The following HMGCLL1 variants were observed in gnomAD, a reference collection of about 807,000 sequenced individuals.
The protein encoded by HMGCLL1 is 3-hydroxymethyl-3-methylglutaryl-CoA lyase, cytoplasmic.
HMGCLL1 carries 36 observed loss-of-function variants against 39.1 expected under a neutral mutation model. The observed-to-expected ratio is 0.92, with a 90% CI of 0.71 to 1.22. The LOEUF is 1.22. HMGCLL1 is among the 50% of genes most tolerant of loss of function. The pLI is 0.00. For synonymous variants in HMGCLL1, 149 were observed against 144.0 expected, an observed-to-expected ratio of 1.03 and a Z score of -0.25; for missense variants, 451 against 416.5, an observed-to-expected ratio of 1.08 and a Z score of -0.72.
intron 3 of HMGCLL1, among the ~76,000 whole-genome samples, chr6:55,533,270 A>G (rs935709057): frequency 8.6e-5 from 13 of 151,854 alleles, no homozygotes; most frequent in Non-Finnish European, 1.0e-4. Flanking sequence ...TTATTGTATT[A>G]TTTTAGTATC....
At chr6:55,474,383 T>G (rs1389344006) in intron 7 of HMGCLL1, among the ~76,000 whole-genome samples, 1 of 151,658 alleles carries the variant, frequency 6.6e-6, no homozygotes, top group Non-Finnish European at 1.5e-5. Flanking sequence ...GCTCACTGAT[T>G]CTCTCCTTAG....
chr6:55,649,873 T>C, the HMGCLL1 span, among the ~76,000 whole-genome samples: 1 of 151,346 alleles, frequency 6.6e-6, no homozygotes, highest in Non-Finnish European at 1.5e-5. Context: ...TCTTCAGAGA[T>C]ACTGATGAAT....
rs145163670 is a variant in HMGCLL1, at chr6:55,441,497, T to C, written c.796-1938A>G. ...AGAACACATGTTGGCAAGTTTTTAT[T>C]AAAATCCATGCAATATTTAGATTTC... On this transcript the variant is annotated intron_variant, in intron 7 of 8. Coordinates refer to ENST00000274901, the MANE Select transcript of HMGCLL1 (RefSeq NM_001042406.2). 3.1e-3 allele frequency among the ~76,000 whole-genome samples: 476 copies of C among 152,246 alleles called. 2 individuals are homozygous for C. The highest frequency in any genetic ancestry group is 0.011 in the African/African-American group (455 of 41,538).
At chr6:55,541,017 A>G (rs1769403886) in intron 3 of HMGCLL1, among the ~76,000 whole-genome samples, 1 of 148,756 alleles carries the variant, frequency 6.7e-6, no homozygotes, top group Admixed American at 6.8e-5. Flanking sequence ...AAATGATATC[A>G]GGAGTAGTCA....
chr6:55,439,350 A>C (rs1763497208), intron 8 of HMGCLL1, 84 bp downstream of exon 8: 1 of 1,379,490 alleles, frequency 7.2e-7, no homozygotes, highest in East Asian at 2.4e-5. Context: ...CTTTGACCTC[A>C]AAATTGCTTC....
At chr6:55,565,269 G>A (rs1771159373) in intron 1 of HMGCLL1, among the ~76,000 whole-genome samples, 2 of 151,972 alleles carry the variant, frequency 1.3e-5, no homozygotes, top group South Asian at 4.1e-4. Flanking sequence ...TATATTGAAA[G>A]TGAGAATAAC....
chr6:55,557,908 C>T (rs566057001), intron 1 of HMGCLL1, among the ~76,000 whole-genome samples: 2 of 152,242 alleles, frequency 1.3e-5, no homozygotes, highest in African/African-American at 4.8e-5. Flanking sequence ...AACCTTCTAT[C>T]CTCAAGCTGA....
At chr6:55,515,987 T>C (rs1032255001) in intron 4 of HMGCLL1, among the ~76,000 whole-genome samples, 7 of 152,010 alleles carry the variant, frequency 4.6e-5, no homozygotes, top group African/African-American at 1.7e-4. Flanking sequence ...TAAAGCTTTA[T>C]TTAAATTATA....
At chr6:55,474,075 T>C (rs571465889) in intron 7 of HMGCLL1, among the ~76,000 whole-genome samples, 1 of 151,720 alleles carries the variant, frequency 6.6e-6, no homozygotes, top group Non-Finnish European at 1.5e-5. Flanking sequence ...GAATATGATA[T>C]GCCTAGCTAT....
chr6:55,440,461 C>T (rs570912717), intron 7 of HMGCLL1, among the ~76,000 whole-genome samples: 1 of 152,158 alleles, frequency 6.6e-6, no homozygotes, highest in Admixed American at 6.6e-5. Flanking sequence ...GAAGAGCTCT[C>T]TGTGTACCGG....
chr6:55,592,206 A>T, the HMGCLL1 span, among the ~76,000 whole-genome samples: 1 of 151,998 alleles, frequency 6.6e-6, no homozygotes, highest in African/African-American at 2.4e-5. Flanking sequence ...TATTAGGAAG[A>T]CATTCCTCTA....
chr6:55,498,277 G>A (rs1766692821), intron 6 of HMGCLL1, among the ~76,000 whole-genome samples: 2 of 152,124 alleles, frequency 1.3e-5, no homozygotes, highest in Non-Finnish European at 2.9e-5. Flanking sequence ...GCAAATTAAT[G>A]ACAGCCTTGG....
Position 55,435,772 on chromosome 6 carries a change from G to A in HMGCLL1, c.922-9C>T, listed in dbSNP as rs754211605. The A allele has an allele frequency of 6.2e-6, 9 of 1,454,672 alleles. No homozygotes were observed. Among genetic ancestry groups the A allele is most frequent in the African/African-American group, 1.4e-5 (1 of 70,316 alleles). 90.1% of individuals were successfully genotyped at this position (1,454,672 alleles called of 1,614,324 possible). ...TTGTATAGATTCACACCCTGGTGAC[G>A]AAATGAAGGAATATCAGGAAGGCAG... On this transcript the variant is annotated splice_polypyrimidine_tract_variant and intron_variant, in intron 8 of 8. Coordinates refer to ENST00000274901, the MANE Select transcript of HMGCLL1 (RefSeq NM_001042406.2).
the HMGCLL1 span, among the ~76,000 whole-genome samples, chr6:55,647,844 G>A: frequency 2.9e-5 from 3 of 104,664 alleles, no homozygotes; most frequent in African/African-American, 3.9e-5. Context: ...ATGTATACAT[G>A]TGCCATGCTG....
chr6:55,650,106 T>TATACATATATAC, the HMGCLL1 span, among the ~76,000 whole-genome samples: 1 of 71,170 alleles, frequency 1.4e-5, no homozygotes, highest in African/African-American at 6.3e-5. Flanking sequence ...TATATATATA[T>TATACATATATAC]ATATATATAT....
intron 1 of HMGCLL1, among the ~76,000 whole-genome samples, chr6:55,542,897 A>T (rs1195748256): frequency 7.5e-6 from 1 of 133,884 alleles, no homozygotes; most frequent in African/African-American, 2.8e-5. Context: ...TTATATATTT[A>T]GATTATTTAT....
rs1321297404 is a variant in HMGCLL1 at position 55,439,377 on chromosome 6, T to C, written c.921+57A>G. On this transcript the variant is annotated intron_variant, in intron 8 of 8. Transcript: ENST00000274901. Reference sequence around the variant, plus strand: ...AATTGCTTCCCACATCTTAGAAGCTTTGCAATTTGGAGCTGCAAGGAATGC... The same window carrying C: ...AATTGCTTCCCACATCTTAGAAGCTCTGCAATTTGGAGCTGCAAGGAATGC... The C allele has an allele frequency of 4.5e-6, 7 of 1,539,068 alleles. No homozygotes were observed. The East Asian group carries it at 1.6e-4, about 35-fold the overall frequency.
chr6:55,661,331 G>C, the HMGCLL1 span, among the ~76,000 whole-genome samples: 1 of 151,916 alleles, frequency 6.6e-6, no homozygotes, highest in Non-Finnish European at 1.5e-5. Context: ...TTGTCTTTCA[G>C]AGTTTTTATA....
At chr6:55,621,548 C>T in the HMGCLL1 span, among the ~76,000 whole-genome samples, 8 of 151,892 alleles carry the variant, frequency 5.3e-5, no homozygotes, top group African/African-American at 9.6e-5. Context: ...ATCTAGGTTG[C>T]GTGCTCCTTA....
Sources: allele counts gnomAD v4.1 joint callset (sites outside exome capture counted in the v4.1 genomes callset), GRCh38; gene constraint gnomAD v4.1.1; transcripts MANE v1.5; gene names NCBI Gene and HGNC (gene_info 2026-07-23, HGNC 2026-07-21).